Variants in TFCP2 observed in about 807,000 individuals in gnomAD.
The protein encoded by TFCP2 is transcription factor CP2.
A neutral mutation model predicts 73.4 loss-of-function variants in TFCP2; 33 were observed. That is an observed-to-expected ratio of 0.45 (90% confidence interval 0.34 to 0.60). The LOEUF (loss-of-function observed/expected upper bound fraction) is 0.60. Ranked by LOEUF, TFCP2 falls within the 20% of genes least tolerant of loss-of-function variation. The pLI is 0.01. For missense variants in TFCP2, 352 were observed against 604.0 expected (o/e 0.58, Z 4.37); for synonymous variants, 193 against 211.6 (o/e 0.91, Z 0.76).
At chr12:51,122,492 C>T (rs553912157) in intron 1 of TFCP2, among the ~76,000 whole-genome samples, 2 of 152,188 alleles carry the variant, frequency 1.3e-5, no homozygotes, top group South Asian at 4.1e-4. Context: ...CTCCTGACCT[C>T]AGGTAATCTG....
intron 1 of TFCP2, among the ~76,000 whole-genome samples, chr12:51,161,800 A>C (rs1941656615): frequency 7.2e-6 from 1 of 138,308 alleles, no homozygotes; most frequent in East Asian, 2.2e-4. Context: ...GACAGAAACC[A>C]CCCCATAGCA....
intron 1 of TFCP2, among the ~76,000 whole-genome samples, chr12:51,142,704 A>G (rs2137018187): frequency 6.6e-6 from 1 of 152,328 alleles, no homozygotes; most frequent in South Asian, 2.1e-4. Flanking sequence ...TCTTTTAAAA[A>G]GAAAGTCTTC....
chr12:51,129,077 C>A (rs1431419585), intron 1 of TFCP2, among the ~76,000 whole-genome samples: 1 of 152,124 alleles, frequency 6.6e-6, no homozygotes, highest in Non-Finnish European at 1.5e-5. Context: ...AAGAGACATA[C>A]AGCCTGTTAC....
At chr12:51,100,508 C>A (rs1940084268) in intron 11 of TFCP2, among the ~76,000 whole-genome samples, 1 of 152,166 alleles carries the variant, frequency 6.6e-6, no homozygotes. Context: ...TTCAACATCC[C>A]TTATGATGTA....
chr12:51,113,640 C>T (rs560720163), intron 4 of TFCP2, among the ~76,000 whole-genome samples: 3 of 152,212 alleles, frequency 2.0e-5, no homozygotes, highest in East Asian at 1.9e-4. Context: ...TCATGCTTCA[C>T]GACTTCCAAA....
chr12:51,100,427 A>C (rs1940082214), intron 11 of TFCP2, among the ~76,000 whole-genome samples: 1 of 152,210 alleles, frequency 6.6e-6, no homozygotes. Flanking sequence ...GCTTGAAAAA[A>C]TGAAAGATCA....
chr12:51,142,584 C>T (rs983105108), intron 1 of TFCP2, among the ~76,000 whole-genome samples: 4 of 152,170 alleles, frequency 2.6e-5, no homozygotes, highest in Non-Finnish European at 5.9e-5. Flanking sequence ...GATCCCATCC[C>T]TTCTCAATTC....
intron 12 of TFCP2, among the ~76,000 whole-genome samples, 194 bp from the exon 13 acceptor site, chr12:51,099,112 A>G (rs1291763050): frequency 6.6e-6 from 1 of 152,220 alleles, no homozygotes; most frequent in Admixed American, 6.5e-5. Flanking sequence ...TTTTTCTTGC[A>G]TAAATACCGG....
chr12:51,117,295 C>T (rs757558493), intron 3 of TFCP2, among the ~76,000 whole-genome samples: 1 of 152,188 alleles, frequency 6.6e-6, no homozygotes, highest in Non-Finnish European at 1.5e-5. Flanking sequence ...AAGAGAACTG[C>T]TCTTCATCAA....
chr12:51,106,701 G>C, intron 7 of TFCP2, 88 bp from the exon 8 acceptor site: 2 of 995,884 alleles, frequency 2.0e-6, no homozygotes, highest in Non-Finnish European at 3.1e-6. Flanking sequence ...AGCACATCTT[G>C]ATTAGTAAAT....
chr12:51,094,815 CAA>C lies in TFCP2; in HGVS notation c.*424_*425del, dbSNP rs1939916636. On this transcript the variant is annotated 3_prime_UTR_variant, in exon 15 of 15. Transcript: ENST00000257915. Reference sequence around the variant, plus strand: ...GATACCAGTACATTTGAGACCAGTACAAAGAGATTGAAGACCTAGTCTTATGA... The same window carrying C: ...GATACCAGTACATTTGAGACCAGTACAGAGATTGAAGACCTAGTCTTATGA... The C allele has an allele frequency of 6.0e-6, 1 of 166,884 alleles. No individual in the cohort carries two copies. The highest frequency in any genetic ancestry group is 2.4e-5 in the African/African-American group (1 of 41,836). 10.3% of individuals were successfully genotyped at this position (166,884 alleles called of 1,614,324 possible). A position where few individuals can be genotyped will look rare whatever the true frequency, so the allele number is the denominator to read the frequency against.
intron 1 of TFCP2, among the ~76,000 whole-genome samples, chr12:51,165,435 C>T (rs943529584): frequency 2.0e-5 from 3 of 149,948 alleles, no homozygotes; most frequent in Admixed American, 6.6e-5. Context: ...ATTCAATACC[C>T]TTTTAAGATT....
chr12:51,105,549 T>C (rs1940214453), intron 8 of TFCP2, among the ~76,000 whole-genome samples: 1 of 152,216 alleles, frequency 6.6e-6, no homozygotes. Flanking sequence ...TGGAATTACC[T>C]ATAAGTAGAA....
chr12:51,165,678 G>A (rs1941743004), intron 1 of TFCP2, among the ~76,000 whole-genome samples: 1 of 152,116 alleles, frequency 6.6e-6, no homozygotes, highest in Admixed American at 6.6e-5. Flanking sequence ...GACAGATCAT[G>A]GTGACAGTTG....
intron 4 of TFCP2, among the ~76,000 whole-genome samples, chr12:51,111,238 G>T (rs1940392877): frequency 6.6e-6 from 1 of 151,920 alleles, no homozygotes; most frequent in South Asian, 2.1e-4. Context: ...CTGCCTCCTG[G>T]GTTCAAACGA....
At chr12:51,162,307 G>A (rs1310565798) in intron 1 of TFCP2, among the ~76,000 whole-genome samples, 3 of 152,066 alleles carry the variant, frequency 2.0e-5, no homozygotes, top group Non-Finnish European at 4.4e-5. Flanking sequence ...TTCGCCAGGC[G>A]TGGTAGCCCA....
At chr12:51,104,090 G>C in intron 9 of TFCP2, 65 bp downstream of exon 9, 1 of 1,498,686 alleles carries the variant, frequency 6.7e-7, no homozygotes, top group Non-Finnish European at 9.3e-7. Flanking sequence ...CATTTCTACT[G>C]AATTGGACAG....
chr12:51,141,831 G>C (rs1365572455), intron 1 of TFCP2, among the ~76,000 whole-genome samples: 1 of 151,398 alleles, frequency 6.6e-6, no homozygotes, highest in Non-Finnish European at 1.5e-5. Flanking sequence ...GTTTGAACCT[G>C]GGAGGCAGAG....
chr12:51,153,756 T>C (rs1434157216), intron 1 of TFCP2, among the ~76,000 whole-genome samples: 1 of 152,220 alleles, frequency 6.6e-6, no homozygotes. Flanking sequence ...TGAATAATAT[T>C]CCATCATATG....
Sources: gnomAD v4.1 joint callset for allele counts (sites outside exome capture counted in the v4.1 genomes callset) on GRCh38, gnomAD v4.1.1 for gene constraint, MANE v1.5 for transcripts, NCBI Gene and HGNC (gene_info 2026-07-23, HGNC 2026-07-21) for gene names.